Variants in ZFAT observed in about 807,000 individuals in gnomAD.
ZFAT encodes the protein zinc finger protein ZFAT.
A neutral mutation model predicts 117.7 loss-of-function variants in ZFAT; 64 were observed. That is an observed-to-expected ratio of 0.54 (90% confidence interval 0.44 to 0.67). The LOEUF (loss-of-function observed/expected upper bound fraction) is 0.67, where lower values mean the gene tolerates loss of function less well. Among genes scored for constraint, ZFAT ranks in the 30% least tolerant of loss-of-function variants. The pLI, the probability that ZFAT is intolerant of heterozygous loss-of-function variation, is 0.00. For synonymous variants in ZFAT, 679 were observed against 615.0 expected (o/e 1.10, Z -1.54); for missense variants, 1,433 against 1,584.5 (o/e 0.90, Z 1.62).
intron 15 of ZFAT, among the ~76,000 whole-genome samples, chr8:134,485,922 G>A (rs993541076): frequency 6.6e-6 from 1 of 152,200 alleles, no homozygotes; most frequent in Non-Finnish European, 1.5e-5. Context: ...AAAACAGGGT[G>A]CGAAGAACCT....
At chr8:134,534,931 CCT>C (rs1267823236) in intron 11 of ZFAT, among the ~76,000 whole-genome samples, 1 of 152,202 alleles carries the variant, frequency 6.6e-6, no homozygotes, top group Non-Finnish European at 1.5e-5. Context: ...CATGCTGTCA[CCT>C]CTCTTTCTCA....
the ZFAT span, among the ~76,000 whole-genome samples, chr8:134,832,072 G>A: frequency 5.5e-5 from 8 of 145,844 alleles, no homozygotes; most frequent in African/African-American, 2.0e-4. Context: ...CCGAGCCCGA[G>A]GCGCGCCTGG....
the ZFAT span, chr8:134,796,511 T>C: frequency 6.6e-6 from 1 of 152,188 alleles, no homozygotes; most frequent in Non-Finnish European, 1.5e-5. Flanking sequence ...AGAAAGCACT[T>C]CTGGTTTTTT....
At chr8:134,550,012 T>C (rs17767868) in intron 11 of ZFAT, among the ~76,000 whole-genome samples, 4,612 of 152,128 alleles carry the variant, frequency 0.03, 123 homozygotes, top group Non-Finnish European at 0.046. Context: ...GTAAAGAAGT[T>C]TGTACTAAAG....
At chr8:134,573,679 T>A (rs1261209739) in intron 10 of ZFAT, among the ~76,000 whole-genome samples, 2 of 152,248 alleles carry the variant, frequency 1.3e-5, no homozygotes, top group African/African-American at 2.4e-5. Context: ...GTCATTTCCA[T>A]TGTTTCTGTT....
chr8:134,783,348 A>G, the ZFAT span, among the ~76,000 whole-genome samples: 33 of 152,256 alleles, frequency 2.2e-4, no homozygotes, highest in East Asian at 6.2e-3. Context: ...CCTGAGCTCC[A>G]TCTCCTGTCA....
the ZFAT span, among the ~76,000 whole-genome samples, chr8:134,744,619 C>T: frequency 1.3e-5 from 2 of 151,782 alleles, no homozygotes; most frequent in Admixed American, 6.6e-5. Context: ...TTCTTTGTCA[C>T]ATTGCTTTCT....
chr8:134,779,522 C>T, the ZFAT span, among the ~76,000 whole-genome samples: 11 of 152,238 alleles, frequency 7.2e-5, no homozygotes, highest in East Asian at 1.9e-4. Flanking sequence ...ATTAAAAACA[C>T]GACAACTGGG....
the ZFAT span, among the ~76,000 whole-genome samples, chr8:134,721,262 C>T: frequency 6.6e-6 from 1 of 152,180 alleles, no homozygotes; most frequent in Non-Finnish European, 1.5e-5. Context: ...GCTGAGCAAC[C>T]AGTCAGCGTG....
At chr8:134,789,643 A>T in the ZFAT span, among the ~76,000 whole-genome samples, 44 of 152,296 alleles carry the variant, frequency 2.9e-4, no homozygotes, top group African/African-American at 8.4e-4. Flanking sequence ...TAGAGAGTGG[A>T]TCATAAAGAA....
At chr8:134,670,776 A>G (rs201537429) in intron 1 of ZFAT, among the ~76,000 whole-genome samples, 7 of 152,200 alleles carry the variant, frequency 4.6e-5, no homozygotes, top group African/African-American at 1.2e-4. Context: ...AGGAGATAGA[A>G]ACACAAAAAA....
At chr8:134,512,758 T>C (rs1440175970) in intron 13 of ZFAT, among the ~76,000 whole-genome samples, 157 bp from the exon 14 acceptor site, 1 of 152,230 alleles carries the variant, frequency 6.6e-6, no homozygotes, top group East Asian at 1.9e-4. Flanking sequence ...GTTGCTCCCA[T>C]ACACTTCTCA....
intron 11 of ZFAT, among the ~76,000 whole-genome samples, chr8:134,538,986 A>G (rs1822049973): frequency 6.6e-6 from 1 of 152,166 alleles, no homozygotes; most frequent in African/African-American, 2.4e-5. Flanking sequence ...CCTGTCTCTT[A>G]AAAATAAAAA....
intron 2 of ZFAT, among the ~76,000 whole-genome samples, chr8:134,643,289 AT>A (rs905302702): frequency 6.6e-6 from 1 of 152,222 alleles, no homozygotes; most frequent in African/African-American, 2.4e-5. Context: ...CTTCATACCC[AT>A]GTCATAGCAA....
intron 1 of ZFAT, among the ~76,000 whole-genome samples, chr8:134,686,199 T>C (rs778825449): frequency 4.6e-5 from 7 of 152,234 alleles, no homozygotes; most frequent in Non-Finnish European, 7.3e-5. Context: ...TTTCAACTCT[T>C]ATGGGGCTTT....
chr8:134,721,569 A>G, the ZFAT span, among the ~76,000 whole-genome samples: 1 of 152,170 alleles, frequency 6.6e-6, no homozygotes, highest in East Asian at 1.9e-4. Context: ...TTTCTCAGAG[A>G]TGCCAAGCCT....
chr8:134,771,097 G>A, the ZFAT span, among the ~76,000 whole-genome samples: 2 of 152,178 alleles, frequency 1.3e-5, no homozygotes, highest in African/African-American at 2.4e-5. Flanking sequence ...AGTACTTGAT[G>A]TCTGTCACCC....
chr8:134,507,917 G>A (rs1819533299), intron 15 of ZFAT, among the ~76,000 whole-genome samples: 1 of 152,164 alleles, frequency 6.6e-6, no homozygotes, highest in South Asian at 2.1e-4. Context: ...ATGTCAAGAT[G>A]CAAATGAGGA....
intron 2 of ZFAT, among the ~76,000 whole-genome samples, chr8:134,642,406 A>G (rs1215606355): frequency 1.3e-5 from 2 of 152,206 alleles, no homozygotes; most frequent in African/African-American, 4.8e-5. Context: ...TTATAGAGTC[A>G]CTACTGATAA....
Sources: gnomAD v4.1 joint callset for allele counts (sites outside exome capture counted in the v4.1 genomes callset) on GRCh38, gnomAD v4.1.1 for gene constraint, MANE v1.5 for transcripts, NCBI Gene and HGNC (gene_info 2026-07-23, HGNC 2026-07-21) for gene names.